Variants in EPS15L1 observed in about 807,000 individuals in gnomAD.
EPS15L1 encodes the protein epidermal growth factor receptor substrate 15-like 1.
In EPS15L1, 43 loss-of-function variants were observed where a neutral mutation model predicts 117.1. That is an observed-to-expected ratio of 0.37 (90% CI 0.29 to 0.47). The LOEUF is 0.47. EPS15L1 is among the 20% of genes least tolerant of loss of function. The pLI, the probability that EPS15L1 is intolerant of heterozygous loss-of-function variation, is 0.99. For missense variants in EPS15L1, 981 were observed against 1,164.0 expected (o/e 0.84, Z 2.29); for synonymous variants, 459 against 470.5 (o/e 0.98, Z 0.32).
chr19:16,362,965 G>A (rs2092079590), intron 22 of EPS15L1, among the ~76,000 whole-genome samples: 1 of 152,174 alleles, frequency 6.6e-6, no homozygotes, highest in South Asian at 2.1e-4. Context: ...AGAGAGAAGT[G>A]TTCAGAAATG....
chr19:16,359,529 A>G (rs748768575), intron 23 of EPS15L1, among the ~76,000 whole-genome samples: 17 of 152,144 alleles, frequency 1.1e-4, no homozygotes, highest in Admixed American at 2.0e-4. Context: ...TTTCCTCTGG[A>G]AAAAAACTGG....
intron 9 of EPS15L1, among the ~76,000 whole-genome samples, chr19:16,422,179 C>T (rs940090443): frequency 2.0e-5 from 3 of 152,200 alleles, no homozygotes; most frequent in Non-Finnish European, 2.9e-5. Context: ...ACCCGCTGCA[C>T]GTGCGACCCC....
rs1022265623 is a variant in EPS15L1 at position 16,389,158 on chromosome 19, A to T, written c.2104-2927T>A. 2.6e-5 allele frequency among the ~76,000 whole-genome samples: 4 copies of T among 152,058 alleles called. No individual in the cohort carries two copies. The East Asian group carries it at 7.7e-4, about 29-fold the overall frequency. On this transcript the variant is annotated intron_variant, in intron 19 of 23. Transcript: ENST00000455140. ...GCGGAGGTTGGAAAAAAAAAAAGAA[A>T]AGAAAAGAATAATAGCTGGGTGAAG...
At chr19:16,356,056 C>T (rs995277146) in intron 23 of EPS15L1, among the ~76,000 whole-genome samples, 2 of 152,208 alleles carry the variant, frequency 1.3e-5, no homozygotes, top group African/African-American at 2.4e-5. Flanking sequence ...GCAGAGTGGA[C>T]GGGATGCATG....
At position 16,370,701 on chromosome 19, in the gene EPS15L1, C is replaced by A. The variant is rs1032916128; in HGVS notation, c.2380+6421G>T. Among the ~76,000 whole-genome samples the A allele has an allele frequency of 1.3e-5, 2 of 152,222 alleles. No individual in the cohort carries two copies. The highest frequency in any genetic ancestry group is 4.8e-5 in the African/African-American group (2 of 41,444). ...AGAAAGTGCTCCAAACGGCAATCTG[C>A]CTGCAGTCAGTTTAAACATACAAGG... On this transcript the variant is annotated intron_variant, in intron 22 of 23. Coordinates refer to ENST00000455140, the MANE Select transcript of EPS15L1 (RefSeq NM_001258374.3). The surrounding 1 kb of genome is among the most constrained non-coding windows in gnomAD (Gnocchi z 5.2).
intron 1 of EPS15L1, among the ~76,000 whole-genome samples, chr19:16,450,131 C>T (rs2145122542): frequency 6.6e-6 from 1 of 152,120 alleles, no homozygotes; most frequent in African/African-American, 2.4e-5. Context: ...CCTGTGGTCC[C>T]AGCTACTCAG....
At chr19:16,442,814 T>C (rs1419819066) in intron 1 of EPS15L1, among the ~76,000 whole-genome samples, 4 of 152,214 alleles carry the variant, frequency 2.6e-5, no homozygotes, top group Non-Finnish European at 1.5e-5. Flanking sequence ...AGCTTGGCAC[T>C]GAAGATATTC....
intron 1 of EPS15L1, among the ~76,000 whole-genome samples, chr19:16,468,802 A>AG (rs1188994485): frequency 6.6e-6 from 1 of 152,146 alleles, no homozygotes; most frequent in Admixed American, 6.5e-5. Context: ...GCTTGAGGCT[A>AG]GGGGTTTAAG....
At chr19:16,401,301 A>G in intron 16 of EPS15L1, 1 of 985,438 alleles carries the variant, frequency 1.0e-6, no homozygotes, top group Non-Finnish European at 1.2e-6. Context: ...CTTGGGACTG[A>G]GGACTTGGCT....
Sources: gnomAD v4.1 joint callset for allele counts (sites outside exome capture counted in the v4.1 genomes callset) on GRCh38, gnomAD v4.1.1 for gene constraint, Gnocchi (gnomAD v3.1) non-coding constraint, MANE v1.5 for transcripts, NCBI Gene and HGNC (gene_info 2026-07-23, HGNC 2026-07-21) for gene names.